Variants in TMEFF2 observed in about 807,000 individuals in gnomAD.
TMEFF2 encodes transmembrane protein with EGF like and two follistatin like domains 2, also known as tomoregulin-2.
Under a neutral mutation model 53.8 loss-of-function variants are expected in TMEFF2, and 28 were observed. That is an observed-to-expected ratio of 0.52 (90% CI 0.39 to 0.71). TMEFF2 has a LOEUF of 0.71. Ranked by LOEUF, TMEFF2 falls within the 30% of genes least tolerant of loss-of-function variation. TMEFF2 has a pLI of 0.00. For synonymous variants in TMEFF2, 162 were observed against 166.3 expected, an observed-to-expected ratio of 0.97 and a Z score of 0.20; for missense variants, 353 against 455.2, an observed-to-expected ratio of 0.78 and a Z score of 2.04.
intron 4 of TMEFF2, among the ~76,000 whole-genome samples, chr2:192,104,585 A>G (rs902049049): frequency 2.0e-5 from 3 of 152,060 alleles, no homozygotes; most frequent in Non-Finnish European, 2.9e-5. Context: ...ACAATTTTAA[A>G]CCTCTTCTAT....
chr2:192,192,922 G>A (rs1287879055), intron 1 of TMEFF2, among the ~76,000 whole-genome samples: 1 of 152,142 alleles, frequency 6.6e-6, no homozygotes, highest in Non-Finnish European at 1.5e-5. Context: ...GAAACATGTT[G>A]AGTTTTATTA....
chr2:192,073,058 T>C (rs1003632243), intron 4 of TMEFF2, among the ~76,000 whole-genome samples: 1 of 151,950 alleles, frequency 6.6e-6, no homozygotes, highest in Non-Finnish European at 1.5e-5. Context: ...TTCCTTTGCC[T>C]AAAAAGGGTT....
chr2:192,044,979 G>A (rs192600163), intron 5 of TMEFF2, among the ~76,000 whole-genome samples: 2 of 152,128 alleles, frequency 1.3e-5, no homozygotes, highest in African/African-American at 2.4e-5. Context: ...GTCAAATCAG[G>A]CTCTTGGCAC....
In TMEFF2 at chr2:192,168,537, A is replaced by C. The variant is rs558141249; in HGVS notation, c.439+11131T>G. 3.3e-5 allele frequency among the ~76,000 whole-genome samples: 5 copies of C among 152,222 alleles called. No individual in the cohort carries two copies. The South Asian group carries it at 6.2e-4, about 19-fold the overall frequency. ...ATCTTCAATTCTTTTCTTTCTGCACACTACTTTTGGAGAATGAGGTAGATC... is the reference window on the plus strand; with the variant it reads ...ATCTTCAATTCTTTTCTTTCTGCACCCTACTTTTGGAGAATGAGGTAGATC... On this transcript the variant is annotated intron_variant, in intron 4 of 9. Coordinates refer to ENST00000272771, the MANE Select transcript of TMEFF2 (RefSeq NM_016192.4).
intron 5 of TMEFF2, among the ~76,000 whole-genome samples, chr2:192,001,110 T>G (rs1686347313): frequency 1.3e-5 from 2 of 152,182 alleles, no homozygotes; most frequent in African/African-American, 4.8e-5. Context: ...GGTTGACATT[T>G]GCATTTTTAA....
intron 4 of TMEFF2, among the ~76,000 whole-genome samples, chr2:192,102,626 C>CTTTTTTTTTTTTTTT (rs10635775): frequency 1.3e-4 from 14 of 109,838 alleles, no homozygotes; most frequent in Non-Finnish European, 1.5e-4. Flanking sequence ...TTTTCTTGTT[C>CTTTTTTTTTTTTTTT]TTTTTTTTTT....
rs138610951 is a variant in TMEFF2 at position 192,066,268 on chromosome 2, A to G, written c.440-8493T>C. On this transcript the variant is annotated intron_variant, in intron 4 of 9. Coordinates refer to ENST00000272771, the MANE Select transcript of TMEFF2 (RefSeq NM_016192.4). The stretch of plus-strand genomic sequence containing the variant: ...ATATGTATCAGTGTCATAGTGCAGT[A>G]ACGTGTTCAGATTTTAGGGAGGAAA... Among the ~76,000 whole-genome samples, 489 of 151,970 alleles carry G rather than the reference A, an allele frequency of 3.2e-3. 4 individuals carry two copies. The highest frequency in any genetic ancestry group is 0.011 in the African/African-American group (466 of 41,540).
intron 1 of TMEFF2, among the ~76,000 whole-genome samples, chr2:192,192,781 T>G (rs147987074): frequency 6.6e-6 from 1 of 152,312 alleles, no homozygotes; most frequent in Non-Finnish European, 1.5e-5. Context: ...CCATCAACAT[T>G]TCCAAAAATT....
chr2:192,124,415 C>G (rs900629959), intron 4 of TMEFF2, among the ~76,000 whole-genome samples: 1 of 152,208 alleles, frequency 6.6e-6, no homozygotes, highest in Non-Finnish European at 1.5e-5. Context: ...CTTTTCCCTA[C>G]AGAAGACATT....
chr2:191,964,323 C>CT (rs1559063253), intron 7 of TMEFF2, among the ~76,000 whole-genome samples: 24 of 122,438 alleles, frequency 2.0e-4, no homozygotes, highest in African/African-American at 8.0e-4. Flanking sequence ...TTCCTTCCTT[C>CT]CTTTCTTTCC....
chr2:191,963,372 G>A (rs1441994900), intron 7 of TMEFF2, among the ~76,000 whole-genome samples: 1 of 152,168 alleles, frequency 6.6e-6, no homozygotes. Context: ...CTTCATTGGT[G>A]ACAATGCTGA....
chr2:192,137,740 T>C (rs891770045), intron 4 of TMEFF2, among the ~76,000 whole-genome samples: 7 of 149,590 alleles, frequency 4.7e-5, no homozygotes, highest in Admixed American at 4.0e-4. Context: ...AATACATCTA[T>C]CTATATATCT....
chr2:191,988,481 C>T (rs1410045968), intron 7 of TMEFF2, among the ~76,000 whole-genome samples: 3 of 152,118 alleles, frequency 2.0e-5, no homozygotes, highest in African/African-American at 7.2e-5. Flanking sequence ...TTTGACATTA[C>T]ACGAACAGCC....
chr2:192,145,608 C>A (rs986732693), intron 4 of TMEFF2, among the ~76,000 whole-genome samples: 4 of 151,968 alleles, frequency 2.6e-5, no homozygotes, highest in Admixed American at 2.6e-4. Flanking sequence ...GGCTCTTCTG[C>A]ATAATTGAAA....
intron 4 of TMEFF2, among the ~76,000 whole-genome samples, chr2:192,075,199 C>T (rs1224787740): frequency 1.4e-5 from 2 of 147,972 alleles, no homozygotes; most frequent in Non-Finnish European, 3.0e-5. Context: ...GCTCTGGCTT[C>T]TATATTTGCA....
At chr2:192,054,619 A>G (rs2105900033) in intron 5 of TMEFF2, among the ~76,000 whole-genome samples, 1 of 152,282 alleles carries the variant, frequency 6.6e-6, no homozygotes, top group Non-Finnish European at 1.5e-5. Flanking sequence ...AGCTGCAAAC[A>G]TCTACCTAGA....
At chr2:192,140,982 G>A (rs1690123512) in intron 4 of TMEFF2, among the ~76,000 whole-genome samples, 1 of 152,078 alleles carries the variant, frequency 6.6e-6, no homozygotes, top group African/African-American at 2.4e-5. Flanking sequence ...ACCCCTTTCT[G>A]GGTATACAAA....
chr2:192,002,556 G>A (rs940931955), intron 5 of TMEFF2, among the ~76,000 whole-genome samples: 1 of 151,884 alleles, frequency 6.6e-6, no homozygotes, highest in Non-Finnish European at 1.5e-5. Context: ...CTGGCCGGGC[G>A]TGGTGTCTCA....
At chr2:192,166,617 C>T (rs1690774977) in intron 4 of TMEFF2, among the ~76,000 whole-genome samples, 1 of 151,998 alleles carries the variant, frequency 6.6e-6, no homozygotes, top group Admixed American at 6.6e-5. Context: ...TAGTCTAAGG[C>T]TCAGGAGGAA....
Sources: gnomAD v4.1 joint callset for allele counts (sites outside exome capture counted in the v4.1 genomes callset) on GRCh38, gnomAD v4.1.1 for gene constraint, MANE v1.5 for transcripts, NCBI Gene and HGNC (gene_info 2026-07-23, HGNC 2026-07-21) for gene names.